Variants in HTATIP2 observed in about 807,000 individuals in gnomAD.
HTATIP2 encodes HIV-1 Tat interactive protein 2, also known as protein HTATIP2.
In HTATIP2, 26 loss-of-function variants were observed where a neutral mutation model predicts 24.7. The observed-to-expected ratio is 1.05, with a 90% CI of 0.77 to 1.46. The LOEUF (loss-of-function observed/expected upper bound fraction) is 1.46, where lower values mean the gene tolerates loss of function less well. Among genes scored for constraint, HTATIP2 ranks in the 40% most tolerant of loss-of-function variants. HTATIP2 has a pLI of 0.00. For missense variants in HTATIP2, 284 were observed against 289.6 expected (o/e 0.98, Z 0.14); for synonymous variants, 99 against 113.2 (o/e 0.87, Z 0.79).
intron 2 of HTATIP2, among the ~76,000 whole-genome samples, chr11:20,371,137 C>A (rs2064768339): frequency 6.6e-6 from 1 of 152,132 alleles, no homozygotes; most frequent in African/African-American, 2.4e-5. Context: ...GCAACAGAGG[C>A]CTGCAAAGCT....
chr11:20,380,528 C>A (rs995377462), intron 3 of HTATIP2, among the ~76,000 whole-genome samples: 12 of 151,916 alleles, frequency 7.9e-5, no homozygotes, highest in Non-Finnish European at 1.0e-4. Flanking sequence ...AAAAATTAGC[C>A]GGGCGTGATG....
At chr11:20,376,431 T>C in intron 2 of HTATIP2, 149 bp from the exon 3 acceptor site, 1 of 866,272 alleles carries the variant, frequency 1.2e-6, no homozygotes, top group Non-Finnish European at 1.9e-6. Flanking sequence ...TTTCCCAGGG[T>C]CTAAGCCTGA....
chr11:20,383,270 G>A lies in HTATIP2; in HGVS notation c.*65G>A, dbSNP rs1848550187. On this transcript the variant is annotated 3_prime_UTR_variant, in exon 5 of 5. Coordinates refer to ENST00000451739, the MANE Select transcript of HTATIP2 (RefSeq NM_001098522.2). ...CCATCACCAAATCGGTAATTTCAGG[G>A]TCTAAAAAAAGTCAGCATGTTTTAA... 3 of 1,267,564 alleles carry A rather than the reference G, an allele frequency of 2.4e-6. No individual in the cohort carries two copies. The highest frequency in any genetic ancestry group is 1.3e-5 in the South Asian group (1 of 74,726). The allele number at this position is 1,267,564 out of a possible 1,614,324, so 78.5% of individuals were successfully genotyped here.
chr11:20,382,586 G>A (rs1565185717), intron 4 of HTATIP2, among the ~76,000 whole-genome samples: 3 of 151,962 alleles, frequency 2.0e-5, no homozygotes, highest in Admixed American at 6.5e-5. Context: ...TTTTTTTCAC[G>A]CAGTCTGGAG....
chr11:20,382,004 G>A (rs984130652), intron 3 of HTATIP2, among the ~76,000 whole-genome samples, 174 bp from the exon 4 acceptor site: 8 of 152,152 alleles, frequency 5.3e-5, no homozygotes, highest in Admixed American at 3.9e-4. Flanking sequence ...AGGATTAAAT[G>A]ATCTCTTCCT....
chr11:20,383,628 GTC>G lies in HTATIP2; in HGVS notation c.*427_*428del, dbSNP rs1214128722. The G allele has an allele frequency of 5.9e-6, 1 of 168,466 alleles. No individual in the cohort carries two copies. Among genetic ancestry groups the G allele is most frequent in the Non-Finnish European group, 1.3e-5 (1 of 78,372 alleles). 10.4% of individuals were successfully genotyped at this position (168,466 alleles called of 1,614,324 possible). A position where few individuals can be genotyped will look rare whatever the true frequency, so the allele number is the denominator to read the frequency against. ...CTGCTCTAAAATTGTTGACATTCAT[GTC>G]TCTGAGTTACAAAAGTGCTAATTCA... On this transcript the variant is annotated 3_prime_UTR_variant, in exon 5 of 5. Coordinates refer to ENST00000451739, the MANE Select transcript of HTATIP2 (RefSeq NM_001098522.2).
chr11:20,366,053 A>G (rs1413602805), intron 1 of HTATIP2, among the ~76,000 whole-genome samples: 25 of 146,434 alleles, frequency 1.7e-4, no homozygotes, highest in Non-Finnish European at 2.7e-4. Context: ...CTGTTTGACT[A>G]GGTACTTTGT....
rs753803948 is a variant in HTATIP2, at chr11:20,367,408, T to C, written c.303+127T>C. 7.7e-6 allele frequency: 12 copies of C among 1,564,080 alleles called. No homozygotes were observed. In the South Asian group the frequency reaches 1.4e-4, roughly 18 times the overall value. ...GTGAATAAGCCTTTATTGTTTAAGA[T>C]TCTATATGCTGCACTAACCTTTGGT... On this transcript the variant is annotated intron_variant, in intron 2 of 4. Coordinates refer to ENST00000451739, the MANE Select transcript of HTATIP2 (RefSeq NM_001098522.2).
chr11:20,371,572 C>T (rs541132305), intron 2 of HTATIP2, among the ~76,000 whole-genome samples: 1 of 152,182 alleles, frequency 6.6e-6, no homozygotes, highest in South Asian at 2.1e-4. Context: ...GCTGGGACCA[C>T]AGGCATGCGC....
chr11:20,377,132 T>TTC (rs771391476), intron 3 of HTATIP2, among the ~76,000 whole-genome samples: 42 of 151,062 alleles, frequency 2.8e-4, no homozygotes, highest in Non-Finnish European at 4.7e-4. Context: ...TTCTTTTCTT[T>TTC]TTTTTTTTTT....
intron 1 of HTATIP2, among the ~76,000 whole-genome samples, chr11:20,365,829 G>A (rs10833313): frequency 0.49 from 74,826 of 151,452 alleles, 19,060 homozygotes; most frequent in Middle Eastern, 0.59. Flanking sequence ...AAATTAGCTG[G>A]GCGTGGTGGT....
chr11:20,376,512 G>A, intron 2 of HTATIP2, 68 bp from the exon 3 acceptor site: 3 of 1,573,558 alleles, frequency 1.9e-6, no homozygotes, highest in South Asian at 2.2e-5. Flanking sequence ...TGCTACCCAA[G>A]CCAAGTAGTA....
At position 20,369,305 on chromosome 11, in the gene HTATIP2, G is replaced by A. The variant is rs1430060531; in HGVS notation, c.303+2024G>A. Among the ~76,000 whole-genome samples, 5 of 152,322 alleles carry A rather than the reference G, an allele frequency of 3.3e-5. No individual in the cohort carries two copies. In the East Asian group the frequency reaches 7.7e-4, roughly 23 times the overall value. On this transcript the variant is annotated intron_variant, in intron 2 of 4. Coordinates refer to ENST00000451739, the MANE Select transcript of HTATIP2 (RefSeq NM_001098522.2). ...TACTACAAAGCTAGTGGCAAAACTAGTACGCTTCACTAGGGATTTTGTAAC... is the reference window on the plus strand; with the variant it reads ...TACTACAAAGCTAGTGGCAAAACTAATACGCTTCACTAGGGATTTTGTAAC...
At chr11:20,366,049 G>A (rs2064699915) in intron 1 of HTATIP2, among the ~76,000 whole-genome samples, 1 of 147,776 alleles carries the variant, frequency 6.8e-6, no homozygotes, top group South Asian at 2.1e-4. Flanking sequence ...ACATCTGTTT[G>A]ACTAGGTACT....
Position 20,363,777 on chromosome 11 carries a change from C to T in HTATIP2, c.-461C>T, listed in dbSNP as rs182333117. The T allele has an allele frequency of 2.8e-5, 35 of 1,239,836 alleles. No individual in the cohort carries two copies. Among genetic ancestry groups the T allele is most frequent in the Admixed American group, 8.5e-5 (2 of 23,652 alleles). 76.8% of individuals were successfully genotyped at this position (1,239,836 alleles called of 1,614,324 possible). ...AGGCGCTGTCTCCGTCGCCTCCAACCCCCCCGGTCCGACCAGGGAAGGTGG... is the reference window on the plus strand; with the variant it reads ...AGGCGCTGTCTCCGTCGCCTCCAACTCCCCCGGTCCGACCAGGGAAGGTGG... On this transcript the variant is annotated 5_prime_UTR_variant, in exon 1 of 5. Coordinates refer to ENST00000451739, the MANE Select transcript of HTATIP2 (RefSeq NM_001098522.2).
intron 1 of HTATIP2, among the ~76,000 whole-genome samples, chr11:20,365,970 C>CAAAAA (rs1161230646): frequency 6.2e-5 from 6 of 96,680 alleles, no homozygotes; most frequent in Admixed American, 1.1e-4. Flanking sequence ...GACTCTGTCT[C>CAAAAA]AAAAAAAAAA....
At chr11:20,365,116 T>G (rs1430015810) in intron 1 of HTATIP2, among the ~76,000 whole-genome samples, 3 of 151,776 alleles carry the variant, frequency 2.0e-5, no homozygotes, top group African/African-American at 7.3e-5. Context: ...CCCGAGTAAC[T>G]GGAACTACAG....
At chr11:20,378,465 A>C (rs758816075) in intron 3 of HTATIP2, among the ~76,000 whole-genome samples, 1 of 152,134 alleles carries the variant, frequency 6.6e-6, no homozygotes, top group South Asian at 2.1e-4. Flanking sequence ...ATCAGGCCCA[A>C]CTTGTTTTTT....
intron 2 of HTATIP2, among the ~76,000 whole-genome samples, chr11:20,374,285 G>A (rs748498681): frequency 2.0e-5 from 3 of 152,158 alleles, no homozygotes; most frequent in Admixed American, 1.3e-4. Context: ...CTGCATGGGC[G>A]TATTGTTTTA....
Sources: allele counts gnomAD v4.1 joint callset (sites outside exome capture counted in the v4.1 genomes callset), GRCh38; gene constraint gnomAD v4.1.1; transcripts MANE v1.5; gene names NCBI Gene and HGNC (gene_info 2026-07-23, HGNC 2026-07-21).